HPSE2: variants seen among roughly 807,000 people sequenced by gnomAD.
The protein encoded by HPSE2 is heparanase 2 (inactive), also known as inactive heparanase-2.
A neutral mutation model predicts 60.5 loss-of-function variants in HPSE2; 38 were observed. The ratio of observed to expected loss-of-function variants is 0.63; its 90% CI spans 0.48 to 0.82. The LOEUF (loss-of-function observed/expected upper bound fraction) is 0.82. Among genes scored for constraint, HPSE2 ranks in the 40% least tolerant of loss-of-function variants. The pLI is 0.00. For synonymous variants in HPSE2, 295 were observed against 293.2 expected (o/e 1.01, Z -0.06); for missense variants, 713 against 740.4 (o/e 0.96, Z 0.43).
chr10:99,232,600 G>A lies in HPSE2; in HGVS notation c.291-95C>T, dbSNP rs1008224869. 5 of 1,365,922 alleles carry A rather than the reference G, an allele frequency of 3.7e-6. No homozygotes were observed. In the African/African-American group the frequency reaches 7.2e-5, roughly 20 times the overall value. 84.6% of individuals were successfully genotyped at this position (1,365,922 alleles called of 1,614,324 possible). On this transcript the variant is annotated intron_variant, in intron 1 of 11. Transcript: ENST00000370552. Reference sequence around the variant, plus strand: ...GGCCCTCTTCCTACTCCCTGAGGGCGACCTGGCCGGGGCTAGAGGCTCTGT... The same window carrying A: ...GGCCCTCTTCCTACTCCCTGAGGGCAACCTGGCCGGGGCTAGAGGCTCTGT...
chr10:98,685,412 T>C (rs967639508), intron 6 of HPSE2, among the ~76,000 whole-genome samples: 6 of 152,114 alleles, frequency 3.9e-5, no homozygotes, highest in African/African-American at 1.4e-4. Flanking sequence ...CCTCATGCCC[T>C]TTCCTTCTCA....
chr10:99,212,772 G>A (rs187073421), intron 2 of HPSE2, among the ~76,000 whole-genome samples: 18 of 152,232 alleles, frequency 1.2e-4, no homozygotes, highest in Non-Finnish European at 2.9e-5. Flanking sequence ...TAAGAGAATA[G>A]ATTAAGTATT....
intron 9 of HPSE2, among the ~76,000 whole-genome samples, chr10:98,609,771 T>C (rs1252738629): frequency 6.7e-6 from 1 of 149,858 alleles, no homozygotes; most frequent in Non-Finnish European, 1.5e-5. Flanking sequence ...TCATGAATCT[T>C]ACCATAGTTC....
the HPSE2 span, among the ~76,000 whole-genome samples, chr10:99,314,400 C>G: frequency 6.6e-6 from 1 of 152,050 alleles, no homozygotes; most frequent in African/African-American, 2.4e-5. Flanking sequence ...TGAACTCAAG[C>G]GATCCTCCCA....
intron 7 of HPSE2, among the ~76,000 whole-genome samples, chr10:98,625,448 G>A (rs1164217431): frequency 6.6e-6 from 1 of 152,082 alleles, no homozygotes; most frequent in Non-Finnish European, 1.5e-5. Context: ...AAGTGTTAAA[G>A]GTCAATTACC....
chr10:98,778,876 G>T (rs1175248075), intron 3 of HPSE2, among the ~76,000 whole-genome samples: 2 of 152,114 alleles, frequency 1.3e-5, no homozygotes, highest in African/African-American at 4.8e-5. Flanking sequence ...GCAAAGAAGA[G>T]ATTTTCTTAG....
intron 9 of HPSE2, among the ~76,000 whole-genome samples, chr10:98,544,347 T>A (rs1234303614): frequency 6.6e-6 from 1 of 152,086 alleles, no homozygotes; most frequent in African/African-American, 2.4e-5. Flanking sequence ...AGAGGGAAAT[T>A]TATAGCACTA....
intron 3 of HPSE2, among the ~76,000 whole-genome samples, chr10:98,864,471 T>C (rs1299148600): frequency 2.6e-5 from 4 of 152,188 alleles, no homozygotes; most frequent in Non-Finnish European, 5.9e-5. Flanking sequence ...TGAGAATATA[T>C]GGGCCAAGGA....
intron 3 of HPSE2, among the ~76,000 whole-genome samples, chr10:98,947,465 A>T (rs1198168431): frequency 6.6e-6 from 1 of 152,144 alleles, no homozygotes; most frequent in Non-Finnish European, 1.5e-5. Context: ...TAAAAAGTCA[A>T]GATAACAAGA....
chr10:98,642,320 G>A (rs931189570), intron 6 of HPSE2, among the ~76,000 whole-genome samples: 1 of 152,024 alleles, frequency 6.6e-6, no homozygotes, highest in South Asian at 2.1e-4. Flanking sequence ...AGTAATAAAG[G>A]TATGTGAGAG....
chr10:99,059,286 A>ATTT (rs1564772913), intron 3 of HPSE2, among the ~76,000 whole-genome samples: 1 of 152,176 alleles, frequency 6.6e-6, no homozygotes, highest in Non-Finnish European at 1.5e-5. Context: ...TCTTACCCAG[A>ATTT]ATAGATTTTT....
intron 3 of HPSE2, among the ~76,000 whole-genome samples, chr10:98,971,075 TAAC>T (rs138565752): frequency 0.14 from 21,978 of 152,136 alleles, 2,267 homozygotes; most frequent in African/African-American, 0.29. Flanking sequence ...TAAAATTTGA[TAAC>T]AACTGTAAGG....
At chr10:98,984,341 C>T (rs1054505691) in intron 3 of HPSE2, among the ~76,000 whole-genome samples, 17 of 152,242 alleles carry the variant, frequency 1.1e-4, no homozygotes, top group South Asian at 4.1e-4. Context: ...TGCCAATATC[C>T]GCTGTTCTGC....
chr10:98,928,079 A>C (rs181576257), intron 3 of HPSE2, among the ~76,000 whole-genome samples: 15,722 of 143,438 alleles, frequency 0.11, 474 homozygotes, highest in South Asian at 0.16. Flanking sequence ...AAATTTTCGC[A>C]ACCTACTCAT....
intron 2 of HPSE2, among the ~76,000 whole-genome samples, chr10:99,163,815 T>G (rs1846945919): frequency 6.6e-6 from 1 of 152,120 alleles, no homozygotes; most frequent in African/African-American, 2.4e-5. Flanking sequence ...CTCATCAGTT[T>G]TAGGTAGAAT....
intron 2 of HPSE2, among the ~76,000 whole-genome samples, chr10:99,178,389 G>T (rs892322644): frequency 3.9e-4 from 59 of 151,976 alleles, no homozygotes; most frequent in African/African-American, 1.4e-3. Context: ...TAATAAAGAA[G>T]AAAAGAGAGA....
the HPSE2 span, among the ~76,000 whole-genome samples, chr10:99,308,379 C>CAAATAAAAAAAAAAAAAAAAAAAAAA: frequency 3.6e-5 from 1 of 28,148 alleles, no homozygotes; most frequent in Non-Finnish European, 6.9e-5. Context: ...GACTCTGTCT[C>CAAATAAAAAAAAAAAAAAAAAAAAAA]AAAAAAAAAA....
chr10:99,260,668 A>G, the HPSE2 span, among the ~76,000 whole-genome samples: 2 of 152,214 alleles, frequency 1.3e-5, no homozygotes, highest in Admixed American at 1.3e-4. Context: ...CTTGGTGTTT[A>G]ATCACTGTGG....
At chr10:98,816,303 T>C (rs1951288762) in intron 3 of HPSE2, among the ~76,000 whole-genome samples, 1 of 152,190 alleles carries the variant, frequency 6.6e-6, no homozygotes, top group South Asian at 2.1e-4. Flanking sequence ...GTCAAAGGTG[T>C]TTCTCAACAG....
Sources: allele counts gnomAD v4.1 joint callset (sites outside exome capture counted in the v4.1 genomes callset), GRCh38; gene constraint gnomAD v4.1.1; transcripts MANE v1.5; gene names NCBI Gene and HGNC (gene_info 2026-07-23, HGNC 2026-07-21).